The following SHE variants were observed in gnomAD, a reference collection of about 807,000 sequenced individuals.
SHE encodes the protein Src homology 2 domain containing E.
Under a neutral mutation model 49.8 loss-of-function variants are expected in SHE, and 11 were observed. The ratio of observed to expected loss-of-function variants is 0.22; its 90% CI spans 0.14 to 0.37. SHE has a LOEUF of 0.37. Ranked by LOEUF, SHE falls within the 10% of genes least tolerant of loss-of-function variation. SHE has a pLI of 1.00. For synonymous variants in SHE, 310 were observed against 278.1 expected (o/e 1.11, Z -1.14); for missense variants, 624 against 655.5 (o/e 0.95, Z 0.52).
intron 2 of SHE, among the ~76,000 whole-genome samples, chr1:154,491,066 C>A (rs151178488): frequency 1.3e-5 from 2 of 152,226 alleles, no homozygotes; most frequent in East Asian, 3.9e-4. Context: ...TCTGGACAAC[C>A]AGAGCTGGTG....
At chr1:154,485,742 T>C (rs975440111) in intron 5 of SHE, 4 of 530,558 alleles carry the variant, frequency 7.5e-6, no homozygotes, top group African/African-American at 1.9e-5. Context: ...ATTATCATAA[T>C]AGATAATGGA....
In SHE at chr1:154,481,144, T is replaced by C. The variant is rs1479057541; in HGVS notation, c.*3005A>G. 1.9e-5 allele frequency: 19 copies of C among 985,452 alleles called. No individual in the cohort carries two copies. The highest frequency in any genetic ancestry group is 5.2e-4 in the Middle Eastern group (1 of 1,914). The allele number at this position is 985,452 out of a possible 1,614,324, so 61.0% of individuals were successfully genotyped here. On this transcript the variant is annotated 3_prime_UTR_variant, in exon 6 of 6. Coordinates refer to ENST00000304760, the MANE Select transcript of SHE (RefSeq NM_001010846.3). ...CACAGAGCTTCAGATCAGCTGGCCATGGAGGTTTAACAAGGAAGCCATTAG... is the reference window on the plus strand; with the variant it reads ...CACAGAGCTTCAGATCAGCTGGCCACGGAGGTTTAACAAGGAAGCCATTAG...
At chr1:154,490,650 C>T (rs532842887) in intron 2 of SHE, among the ~76,000 whole-genome samples, 4 of 152,050 alleles carry the variant, frequency 2.6e-5, no homozygotes, top group Non-Finnish European at 5.9e-5. Flanking sequence ...GGTCTAAAGG[C>T]CAGAAGGCCA....
In SHE at chr1:154,481,626, C is replaced by A; in HGVS notation, c.*2523G>T. On this transcript the variant is annotated 3_prime_UTR_variant, in exon 6 of 6. Transcript: ENST00000304760. ...GCATTTATTAAAATTAGAATAACTGCTGTATTCCCTTTGTAGAATAAGGTT... is the reference window on the plus strand; with the variant it reads ...GCATTTATTAAAATTAGAATAACTGATGTATTCCCTTTGTAGAATAAGGTT... 1.0e-6 allele frequency: 1 copy of A among 984,298 alleles called. No homozygotes were observed. Among genetic ancestry groups the A allele is most frequent in the Non-Finnish European group, 1.2e-6 (1 of 828,960 alleles). 61.0% of individuals were successfully genotyped at this position (984,298 alleles called of 1,614,324 possible).
rs1265443496 is a variant in SHE at position 154,480,559 on chromosome 1, C to T, written c.*3590G>A. ...TGGCTGCCCCTATCAGCTACCTGCC[C>T]ACCTCCCCATCCTGCGGCAGAGGCT... On this transcript the variant is annotated 3_prime_UTR_variant, in exon 6 of 6. Coordinates refer to ENST00000304760, the MANE Select transcript of SHE (RefSeq NM_001010846.3). The T allele has an allele frequency of 2.0e-6, 2 of 985,520 alleles. No homozygotes were observed. Among genetic ancestry groups the T allele is most frequent in the Non-Finnish European group, 2.4e-6 (2 of 829,922 alleles). 61.0% of individuals were successfully genotyped at this position (985,520 alleles called of 1,614,324 possible). A position where few individuals can be genotyped will look rare whatever the true frequency, so the allele number is the denominator to read the frequency against.
chr1:154,471,032 A>AC (rs1691731109), intron 1 of SHE, among the ~76,000 whole-genome samples: 1 of 12,144 alleles, frequency 8.2e-5, no homozygotes, highest in South Asian at 3.8e-3. Flanking sequence ...AAAAAAACAC[A>AC]AAAAAAAAAT....
chr1:154,471,752 A>AC (rs1691752357), intron 1 of SHE, among the ~76,000 whole-genome samples: 1 of 152,106 alleles, frequency 6.6e-6, no homozygotes, highest in Non-Finnish European at 1.5e-5. Context: ...GCATTATTAA[A>AC]TTAAGGGTGT....
rs918514639 is a variant in SHE, at chr1:154,502,251, T to C, written c.-225A>G. 7 of 243,788 alleles carry C rather than the reference T, an allele frequency of 2.9e-5. No individual in the cohort carries two copies. Among genetic ancestry groups the C allele is most frequent in the African/African-American group, 1.6e-4 (7 of 44,066 alleles). 15.1% of individuals were successfully genotyped at this position (243,788 alleles called of 1,614,324 possible). A position where few individuals can be genotyped will look rare whatever the true frequency, so the allele number is the denominator to read the frequency against. On this transcript the variant is annotated 5_prime_UTR_variant, in exon 1 of 6. Transcript: ENST00000304760. ...ACGCCTGCCCGGCCCGAGGACACCG[T>C]GGCTCTCGGAGGCGGCGGGCGCCGG...
intron 3 of SHE, among the ~76,000 whole-genome samples, chr1:154,488,829 C>T (rs1421411955): frequency 4.6e-5 from 7 of 152,198 alleles, no homozygotes; most frequent in Non-Finnish European, 1.0e-4. Context: ...TCAAGTGATC[C>T]GCCTGCCTTC....
chr1:154,492,957 G>C (rs796220043), intron 2 of SHE, among the ~76,000 whole-genome samples: 2 of 152,344 alleles, frequency 1.3e-5, no homozygotes, highest in African/African-American at 4.8e-5. Context: ...AAAATGTACA[G>C]GGTGGATGGG....
chr1:154,478,666 A>C (rs187863932), downstream of SHE, among the ~76,000 whole-genome samples: 71 of 152,318 alleles, frequency 4.7e-4, no homozygotes, highest in African/African-American at 1.5e-3. Flanking sequence ...CTCACTACTT[A>C]CATCTTGGCC....
At chr1:154,478,313 G>A (rs1691933184), downstream of SHE, among the ~76,000 whole-genome samples, 1 of 151,872 alleles carries the variant, frequency 6.6e-6, no homozygotes, top group South Asian at 2.1e-4. Context: ...GGCCACTGTG[G>A]AGCGAGCAGC....
At chr1:154,488,042 C>T (rs1009108194) in intron 3 of SHE, among the ~76,000 whole-genome samples, 2 of 150,338 alleles carry the variant, frequency 1.3e-5, no homozygotes, top group African/African-American at 4.9e-5. Flanking sequence ...TGGGTTCAAG[C>T]AATTCTCCTG....
chr1:154,482,844 C>T lies in SHE; in HGVS notation c.*1305G>A, dbSNP rs1460142201. 5 of 985,292 alleles carry T rather than the reference C, an allele frequency of 5.1e-6. No homozygotes were observed. Among genetic ancestry groups the T allele is most frequent in the Admixed American group, 6.1e-5 (1 of 16,264 alleles). 61.0% of individuals were successfully genotyped at this position (985,292 alleles called of 1,614,324 possible). On this transcript the variant is annotated 3_prime_UTR_variant, in exon 6 of 6. Transcript: ENST00000304760. ...ACAAGGCAGTCTGCTTGGTACAGAA[C>T]GAGAGAATCTTTGTAGGCTTTAGAG...
intron 1 of SHE, among the ~76,000 whole-genome samples, chr1:154,471,317 C>T (rs1383280893): frequency 6.6e-6 from 1 of 151,894 alleles, no homozygotes; most frequent in Non-Finnish European, 1.5e-5. Context: ...GCCATAAGTT[C>T]AAGACCAGCC....
chr1:154,477,465 C>G (rs1257477427), downstream of SHE, among the ~76,000 whole-genome samples: 1 of 152,144 alleles, frequency 6.6e-6, no homozygotes, highest in Non-Finnish European at 1.5e-5. Flanking sequence ...TTTGGCCTCC[C>G]AAAGCCCTGG....
At chr1:154,492,880 A>G (rs1692409563) in intron 2 of SHE, among the ~76,000 whole-genome samples, 1 of 152,156 alleles carries the variant, frequency 6.6e-6, no homozygotes, top group Non-Finnish European at 1.5e-5. Context: ...TAAAAGGAAA[A>G]AGAGGTGATT....
In SHE at chr1:154,485,966, G is replaced by A. The variant is rs78067230; in HGVS notation, c.1278C>T (p.Asn426=). ...ACTTTAGGGCAATGGAGTACCTGCT[G>A]TTCCCTGACTCACTATTTCGAACCA... ...GYLVRNSESG[N]SRYSIALKTS... The change falls in exon 5 of 6, where the codon AAC becomes AAT. Residue 426 remains asparagine (N), a synonymous_variant. Coordinates refer to ENST00000304760, the MANE Select transcript of SHE (RefSeq NM_001010846.3). The A allele has an allele frequency of 2.3e-4, 376 of 1,614,122 alleles. 2 individuals carry two copies. The African/African-American group carries it at 4.7e-3, about 20-fold the overall frequency.
At chr1:154,478,238 G>A (rs1315994467), downstream of SHE, among the ~76,000 whole-genome samples, 1 of 152,028 alleles carries the variant, frequency 6.6e-6, no homozygotes, top group East Asian at 1.9e-4. Context: ...GGAATGAAGC[G>A]CTGCTGATGT....
Sources: allele counts gnomAD v4.1 joint callset (sites outside exome capture counted in the v4.1 genomes callset), GRCh38; gene constraint gnomAD v4.1.1; transcripts MANE v1.5; gene names NCBI Gene and HGNC (gene_info 2026-07-23, HGNC 2026-07-21).